Variants in FARP2 observed in about 807,000 individuals in gnomAD.
FARP2 encodes the protein FERM, ARHGEF and pleckstrin domain-containing protein 2.
A neutral mutation model predicts 130.5 loss-of-function variants in FARP2; 111 were observed. The observed-to-expected ratio is 0.85, with a 90% CI of 0.73 to 1.00. The LOEUF is 1.00. FARP2 is among the 50% of genes least tolerant of loss of function. The pLI is 0.00. For missense variants in FARP2, 1,385 were observed against 1,346.3 expected (o/e 1.03, Z -0.45); for synonymous variants, 504 against 516.9 (o/e 0.98, Z 0.34).
At chr2:241,379,509 T>C (rs2061613638) in intron 2 of FARP2, among the ~76,000 whole-genome samples, 1 of 152,224 alleles carries the variant, frequency 6.6e-6, no homozygotes, top group Admixed American at 6.5e-5. Context: ...TTTTTTTCTT[T>C]AGAATTGCAG....
In FARP2 at chr2:241,459,969, G is replaced by T. The variant is rs2063969583; in HGVS notation, c.1588-2554G>T. 6.6e-6 allele frequency among the ~76,000 whole-genome samples: 1 copy of T among 152,144 alleles called. No individual in the cohort carries two copies. The highest frequency in any genetic ancestry group is 1.5e-5 in the Non-Finnish European group (1 of 68,020). ...TCTGATGGCGTATGTGTCTCTATGT[G>T]CCTCGCCCCTGGAGGAGTGGAGCTG... On this transcript the variant is annotated intron_variant, in intron 14 of 26. Coordinates refer to ENST00000264042, the MANE Select transcript of FARP2 (RefSeq NM_014808.4). The surrounding 1 kb of genome is among the most constrained non-coding windows in gnomAD (Gnocchi z 5.3).
chr2:241,404,736 G>T, intron 3 of FARP2, 63 bp from the exon 4 acceptor site: 1 of 1,287,986 alleles, frequency 7.8e-7, no homozygotes. Flanking sequence ...TGTTTTTATA[G>T]CATACTTGTT....
Position 241,482,911 on chromosome 2 carries a change from T to C in FARP2, c.2263-554T>C, listed in dbSNP as rs972865333. On this transcript the variant is annotated intron_variant, in intron 19 of 26. Transcript: ENST00000264042. This position sits in a 1 kb window ranked among gnomAD's most constrained non-coding sequence, Gnocchi z 4.6. ...TAACGCCCTGTGGTGGACGAGGTGG[T>C]GCTAATTTGAATACTTAGGAGAACC... 6.6e-6 allele frequency among the ~76,000 whole-genome samples: 1 copy of C among 152,100 alleles called. No individual in the cohort carries two copies. Among genetic ancestry groups the C allele is most frequent in the Non-Finnish European group, 1.5e-5 (1 of 68,008 alleles).
At chr2:241,356,813 G>T (rs896940083) in intron 1 of FARP2, among the ~76,000 whole-genome samples, 1 of 152,254 alleles carries the variant, frequency 6.6e-6, no homozygotes, top group South Asian at 2.1e-4. Flanking sequence ...TGGGCCATAG[G>T]GACCCGCAGG....
chr2:241,441,227 G>C lies in FARP2; in HGVS notation c.1159-77G>C, dbSNP rs1463818145. ...GAAATGTGTGGATGCCCTAAGTTAG[G>C]CCAGGTGGCTTTGCAACTTCTAGTG... On this transcript the variant is annotated intron_variant, in intron 12 of 26. Coordinates refer to ENST00000264042, the MANE Select transcript of FARP2 (RefSeq NM_014808.4). 4.8e-5 allele frequency: 68 copies of C among 1,403,838 alleles called. No homozygotes were observed. The East Asian group carries it at 1.5e-3, about 32-fold the overall frequency. 87.0% of individuals were successfully genotyped at this position (1,403,838 alleles called of 1,614,324 possible).
intron 13 of FARP2, among the ~76,000 whole-genome samples, chr2:241,449,275 A>G (rs865979249): frequency 3.9e-5 from 6 of 152,030 alleles, no homozygotes; most frequent in Middle Eastern, 3.4e-3. Context: ...TGCCTGGGCA[A>G]TATAGCGAGA....
intron 13 of FARP2, chr2:241,445,498 A>T (rs780954984): frequency 2.0e-5 from 3 of 152,240 alleles, no homozygotes; most frequent in Non-Finnish European, 4.4e-5. Flanking sequence ...GACAGTTTAC[A>T]GTGGTTAAAT....
At chr2:241,381,279 A>G (rs750135898) in intron 2 of FARP2, among the ~76,000 whole-genome samples, 1 of 151,970 alleles carries the variant, frequency 6.6e-6, no homozygotes, top group African/African-American at 2.4e-5. Context: ...CTAGTGCCCA[A>G]AACCTTTTAG....
In FARP2 at chr2:241,466,947, T is replaced by TAAAA. The variant is rs111497599; in HGVS notation, c.1894-1182_1894-1179dup. On this transcript the variant is annotated intron_variant, in intron 17 of 26. Coordinates refer to ENST00000264042, the MANE Select transcript of FARP2 (RefSeq NM_014808.4). ...AGTGGACCAAATAAAAGTGTTTTGT[T>TAAAA]AAAAAAAAAAAAAATGTAACCCTTT... 1.3e-3 allele frequency among the ~76,000 whole-genome samples: 188 copies of TAAAA among 145,246 alleles called. 3 individuals carry two copies. In the East Asian group the frequency reaches 0.03, roughly 23 times the overall value.
intron 1 of FARP2, among the ~76,000 whole-genome samples, chr2:241,356,824 G>T (rs573698145): frequency 6.6e-6 from 1 of 152,378 alleles, no homozygotes; most frequent in African/African-American, 2.4e-5. Flanking sequence ...GACCCGCAGG[G>T]TATGGGCCTG....
At chr2:241,464,781 C>T (rs1016841913) in intron 17 of FARP2, among the ~76,000 whole-genome samples, 9 of 152,080 alleles carry the variant, frequency 5.9e-5, no homozygotes, top group Admixed American at 2.0e-4. Context: ...AACAGGGTCT[C>T]CTCAGAACTC....
At chr2:241,483,719 A>G in intron 20 of FARP2, 186 bp downstream of exon 20, 1 of 855,738 alleles carries the variant, frequency 1.2e-6, no homozygotes, top group Non-Finnish European at 1.4e-6. Flanking sequence ...GGGAAGAAGC[A>G]GAAAACAGCT....
chr2:241,438,621 G>GTTTTTT (rs374807842), intron 12 of FARP2, among the ~76,000 whole-genome samples: 2 of 139,818 alleles, frequency 1.4e-5, no homozygotes, highest in South Asian at 2.2e-4. Context: ...AAACTCTCTG[G>GTTTTTT]TTTTTTTTTT....
chr2:241,414,178 A>G (rs2062603970), intron 7 of FARP2, among the ~76,000 whole-genome samples: 1 of 152,164 alleles, frequency 6.6e-6, no homozygotes, highest in Non-Finnish European at 1.5e-5. Context: ...CATGGCCTTC[A>G]TCTCATCTTG....
intron 13 of FARP2, among the ~76,000 whole-genome samples, chr2:241,453,661 C>CT (rs2063746873): frequency 1.3e-5 from 2 of 150,286 alleles, no homozygotes; most frequent in Admixed American, 6.6e-5. Flanking sequence ...CAAATGATGA[C>CT]TTTTAACCTC....
chr2:241,465,407 G>A (rs2064142291), intron 17 of FARP2: 3 of 1,420,518 alleles, frequency 2.1e-6, no homozygotes, highest in Non-Finnish European at 2.9e-6. Flanking sequence ...GGAGGGCAGG[G>A]CCCTGGGACT....
At chr2:241,390,960 T>G (rs1226932389) in intron 2 of FARP2, among the ~76,000 whole-genome samples, 1 of 152,222 alleles carries the variant, frequency 6.6e-6, no homozygotes, top group African/African-American at 2.4e-5. Flanking sequence ...CCAGGCAGGC[T>G]TCCCTTCTGA....
chr2:241,413,237 G>T, intron 6 of FARP2, 70 bp from the exon 7 acceptor site: 3 of 844,958 alleles, frequency 3.6e-6, no homozygotes, highest in South Asian at 1.8e-5. Context: ...TACTTTTAAT[G>T]TATGCAATGA....
At chr2:241,415,902 A>G (rs1308624102) in intron 7 of FARP2, among the ~76,000 whole-genome samples, 1 of 152,070 alleles carries the variant, frequency 6.6e-6, no homozygotes, top group Non-Finnish European at 1.5e-5. Flanking sequence ...CTGAAAGTGC[A>G]GTGAGGAGGC....
Sources: gnomAD v4.1 joint callset for allele counts (sites outside exome capture counted in the v4.1 genomes callset) on GRCh38, gnomAD v4.1.1 for gene constraint, Gnocchi (gnomAD v3.1) non-coding constraint, MANE v1.5 for transcripts, NCBI Gene and HGNC (gene_info 2026-07-23, HGNC 2026-07-21) for gene names.